Variants in TMPRSS15 observed in about 807,000 individuals in gnomAD.
The protein encoded by TMPRSS15 is transmembrane serine protease 15.
TMPRSS15 carries 128 observed loss-of-function variants against 125.3 expected under a neutral mutation model. The ratio of observed to expected loss-of-function variants is 1.02; its 90% CI spans 0.89 to 1.18. TMPRSS15 has a LOEUF of 1.18. TMPRSS15 is among the 50% of genes most tolerant of loss of function. The pLI is 0.00. For synonymous variants in TMPRSS15, 446 were observed against 423.2 expected (o/e 1.05, Z -0.66); for missense variants, 1,283 against 1,212.7 (o/e 1.06, Z -0.86).
intron 19 of TMPRSS15, 126 bp downstream of exon 19, chr21:18,297,608 A>G: frequency 1.4e-6 from 1 of 709,552 alleles, no homozygotes; most frequent in Non-Finnish European, 2.5e-6. Flanking sequence ...AAATAATAAT[A>G]TAAGTCAAAT....
chr21:18,283,420 A>G (rs946425275), intron 21 of TMPRSS15, among the ~76,000 whole-genome samples: 8 of 152,150 alleles, frequency 5.3e-5, no homozygotes, highest in African/African-American at 1.9e-4. Flanking sequence ...CAAAAAATTA[A>G]TCTTACAATT....
At chr21:18,270,420 G>GCC (rs1466223854) in intron 24 of TMPRSS15, among the ~76,000 whole-genome samples, 1 of 152,040 alleles carries the variant, frequency 6.6e-6, no homozygotes, top group Non-Finnish European at 1.5e-5. Flanking sequence ...GTTCTTTAAA[G>GCC]CACAACTATG....
intron 5 of TMPRSS15, among the ~76,000 whole-genome samples, chr21:18,377,086 G>A (rs192638650): frequency 6.6e-6 from 1 of 151,976 alleles, no homozygotes. Flanking sequence ...GTATCTTGCC[G>A]TATGAGAGGA....
intron 23 of TMPRSS15, among the ~76,000 whole-genome samples, chr21:18,275,611 G>A (rs184417095): frequency 3.9e-5 from 6 of 152,318 alleles, no homozygotes; most frequent in African/African-American, 7.2e-5. Context: ...CATCTTCTGT[G>A]ATTTTAAACA....
chr21:18,332,313 A>G, intron 13 of TMPRSS15, 140 bp from the exon 14 acceptor site: 1 of 737,972 alleles, frequency 1.4e-6, no homozygotes, highest in Non-Finnish European at 2.4e-6. Flanking sequence ...GTTAGGGTAA[A>G]TGCTGCAGTT....
chr21:18,379,467 T>G (rs2075872763), intron 4 of TMPRSS15, 149 bp from the exon 5 acceptor site: 1 of 366,802 alleles, frequency 2.7e-6, no homozygotes, highest in Non-Finnish European at 5.0e-6. Context: ...ATGTCATTTG[T>G]ATTTGGATTT....
intron 6 of TMPRSS15, among the ~76,000 whole-genome samples, chr21:18,365,623 TCTTTCTCTTTCTCTCTCTTTTTCCTCCC>T: frequency 9.4e-5 from 1 of 10,646 alleles, no homozygotes; most frequent in African/African-American, 1.9e-4. Flanking sequence ...TTTCTCTCTT[TCTTTCTCTTTCTCTCTCTTTTTCCTCCC>T]TTCCTTCCTT....
At chr21:18,300,240 CTTT>C (rs2074953882) in intron 18 of TMPRSS15, among the ~76,000 whole-genome samples, 1 of 150,076 alleles carries the variant, frequency 6.7e-6, no homozygotes, top group Non-Finnish European at 1.5e-5. Flanking sequence ...TTCTTTCTTT[CTTT>C]GTTTTTCTTC....
chr21:18,454,189 G>A (rs1978394754), intron 1 of TMPRSS15, among the ~76,000 whole-genome samples: 1 of 152,088 alleles, frequency 6.6e-6, no homozygotes, highest in Admixed American at 6.6e-5. Context: ...CCTCTAATTT[G>A]AAATGTAGAC....
intron 8 of TMPRSS15, among the ~76,000 whole-genome samples, chr21:18,355,136 T>A (rs1344370146): frequency 1.3e-5 from 2 of 151,920 alleles, no homozygotes; most frequent in Non-Finnish European, 2.9e-5. Context: ...CCTGTGTAAT[T>A]TTAATACTTC....
intron 21 of TMPRSS15, among the ~76,000 whole-genome samples, chr21:18,283,575 T>C (rs2074727527): frequency 1.3e-5 from 2 of 151,844 alleles, no homozygotes; most frequent in African/African-American, 4.8e-5. Context: ...ATATTACCTA[T>C]ATTAATGAAC....
intron 8 of TMPRSS15, among the ~76,000 whole-genome samples, chr21:18,358,808 C>A (rs1285451646): frequency 6.6e-6 from 1 of 151,780 alleles, no homozygotes; most frequent in Non-Finnish European, 1.5e-5. Flanking sequence ...CACAACAATA[C>A]CTAATAAAAA....
At chr21:18,404,772 T>C (rs1193065964), upstream of TMPRSS15, among the ~76,000 whole-genome samples, 1 of 152,088 alleles carries the variant, frequency 6.6e-6, no homozygotes, top group Non-Finnish European at 1.5e-5. Flanking sequence ...CAGTAGCTGC[T>C]TTTCTTCTTC....
At chr21:18,339,886 C>T (rs2824750) in intron 13 of TMPRSS15, among the ~76,000 whole-genome samples, 37,176 of 151,996 alleles carry the variant, frequency 0.24, 5,339 homozygotes, top group Admixed American at 0.32. Flanking sequence ...TGAAATGTCA[C>T]GCTTCCAATT....
In TMPRSS15 at chr21:18,429,262, T is replaced by C. The variant is rs190012107; in HGVS notation, c.11-30933A>G. ...TTACAGGCTTATAGGCAGAAGGGAC[T>C]TGCCTTGTGTCAGATGAGACTTTGA... On this transcript the variant is annotated intron_variant, in intron 1 of 7. Coordinates refer to the TMPRSS15 transcript ENST00000422787. 1.6e-3 allele frequency among the ~76,000 whole-genome samples: 237 copies of C among 152,308 alleles called. 1 individual carries two copies. Among genetic ancestry groups the C allele is most frequent in the African/African-American group, 5.3e-3 (221 of 41,568 alleles).
At chr21:18,368,719 A>G (rs2075763022) in intron 6 of TMPRSS15, among the ~76,000 whole-genome samples, 1 of 152,354 alleles carries the variant, frequency 6.6e-6, no homozygotes, top group Admixed American at 6.5e-5. Flanking sequence ...TTTTAGTGGG[A>G]ATGGATACTC....
At chr21:18,426,948 G>A (rs2089832237) in intron 1 of TMPRSS15, among the ~76,000 whole-genome samples, 1 of 152,180 alleles carries the variant, frequency 6.6e-6, no homozygotes, top group Non-Finnish European at 1.5e-5. Flanking sequence ...AACACATAAA[G>A]GAAGTGTTCG....
intron 24 of TMPRSS15, among the ~76,000 whole-genome samples, chr21:18,270,439 C>A (rs2074541735): frequency 6.6e-6 from 1 of 152,060 alleles, no homozygotes; most frequent in Admixed American, 6.6e-5. Context: ...TGAAAAGCAT[C>A]CCAAACAAAA....
chr21:18,373,976 G>T (rs958337170), intron 5 of TMPRSS15, among the ~76,000 whole-genome samples: 9 of 152,272 alleles, frequency 5.9e-5, no homozygotes, highest in African/African-American at 1.7e-4. Flanking sequence ...TAAGTGGGGG[G>T]AAATTGTTTA....
Sources: gnomAD v4.1 joint callset for allele counts (sites outside exome capture counted in the v4.1 genomes callset) on GRCh38, gnomAD v4.1.1 for gene constraint, MANE v1.5 for transcripts, NCBI Gene and HGNC (gene_info 2026-07-23, HGNC 2026-07-21) for gene names.